Variants in PDIA6 observed in about 807,000 individuals in gnomAD.
PDIA6 encodes the protein protein disulfide-isomerase A6.
A neutral mutation model predicts 58.4 loss-of-function variants in PDIA6; 29 were observed. That is an observed-to-expected ratio of 0.50 (90% CI 0.37 to 0.68). The LOEUF (loss-of-function observed/expected upper bound fraction) is 0.68. Ranked by LOEUF, PDIA6 falls within the 30% of genes least tolerant of loss-of-function variation. PDIA6 has a pLI of 0.00. For synonymous variants in PDIA6, 192 were observed against 202.6 expected (o/e 0.95, Z 0.44); for missense variants, 480 against 551.0 (o/e 0.87, Z 1.29).
chr2:10,807,161 CA>C (rs1666800044), intron 1 of PDIA6, among the ~76,000 whole-genome samples: 1 of 152,322 alleles, frequency 6.6e-6, no homozygotes, highest in Admixed American at 6.5e-5. Context: ...TTGACTTCAA[CA>C]AGGTTTTCCT....
intron 1 of PDIA6, among the ~76,000 whole-genome samples, chr2:10,805,297 A>C (rs1572680204): frequency 1.6e-5 from 2 of 127,802 alleles, no homozygotes; most frequent in Non-Finnish European, 3.3e-5. Flanking sequence ...CAGCCAAAAA[A>C]CACATGAAAA....
At chr2:10,808,051 A>G (rs1349130451) in intron 1 of PDIA6, among the ~76,000 whole-genome samples, 1 of 152,248 alleles carries the variant, frequency 6.6e-6, no homozygotes, top group Non-Finnish European at 1.5e-5. Flanking sequence ...TTCAAGATTT[A>G]CACTGCATTT....
chr2:10,810,839 C>T lies in PDIA6; in HGVS notation c.19+1839G>A, dbSNP rs144432667. Among the ~76,000 whole-genome samples, 12 of 152,216 alleles carry T rather than the reference C, an allele frequency of 7.9e-5. No individual in the cohort carries two copies. In the East Asian group the frequency reaches 2.1e-3, roughly 27 times the overall value. The stretch of plus-strand genomic sequence containing the variant: ...AAAGTAGGTCAATGCTGACCAATGA[C>T]GTTCTGTTTCTAAAATTCACATCAC... On this transcript the variant is annotated intron_variant, in intron 1 of 12. Coordinates refer to ENST00000272227, the MANE Select transcript of PDIA6 (RefSeq NM_005742.4).
At chr2:10,833,453 A>T (rs1338974658), upstream of PDIA6, among the ~76,000 whole-genome samples, 2 of 152,116 alleles carry the variant, frequency 1.3e-5, no homozygotes, top group African/African-American at 4.8e-5. Context: ...TTTTCAGTCC[A>T]TCACCACAGT....
intron 1 of PDIA6, among the ~76,000 whole-genome samples, chr2:10,807,629 G>A (rs752577744): frequency 6.6e-6 from 1 of 152,188 alleles, no homozygotes; most frequent in Non-Finnish European, 1.5e-5. Context: ...CTCAAGTAGT[G>A]TGTGTACATG....
At chr2:10,814,717 C>T (rs56260452), upstream of PDIA6, among the ~76,000 whole-genome samples, 2 of 152,146 alleles carry the variant, frequency 1.3e-5, no homozygotes, top group Non-Finnish European at 2.9e-5. Flanking sequence ...TTTGTCTTTA[C>T]ATTAAGACAG....
chr2:10,827,130 C>T (rs1667574953), intron 1 of PDIA6, among the ~76,000 whole-genome samples: 1 of 152,206 alleles, frequency 6.6e-6, no homozygotes, highest in Non-Finnish European at 1.5e-5. Flanking sequence ...ATGGCACAGT[C>T]TCGGCTCACT....
rs527506858 is a variant in PDIA6 at position 10,811,438 on chromosome 2, A to G, written c.19+1240T>C. ...CTTGAGACCAGGAGTTCCAGGCTGC[A>G]GTGAACTATGATGGAAACCCTGCAC... On this transcript the variant is annotated intron_variant, in intron 1 of 12. Coordinates refer to ENST00000272227, the MANE Select transcript of PDIA6 (RefSeq NM_005742.4). Among the ~76,000 whole-genome samples, 4 of 152,348 alleles carry G rather than the reference A, an allele frequency of 2.6e-5. No homozygotes were observed. In the South Asian group the frequency reaches 8.3e-4, roughly 32 times the overall value.
chr2:10,826,618 C>T (rs918760165), intron 1 of PDIA6, among the ~76,000 whole-genome samples: 4 of 152,178 alleles, frequency 2.6e-5, no homozygotes, highest in Non-Finnish European at 4.4e-5. Flanking sequence ...CCTCAGCCTC[C>T]CAAAGTGCTG....
chr2:10,808,496 G>T (rs975142857), intron 1 of PDIA6, among the ~76,000 whole-genome samples: 3 of 152,204 alleles, frequency 2.0e-5, no homozygotes, highest in African/African-American at 7.2e-5. Flanking sequence ...TTGAAGATGG[G>T]AGTGATCTAG....
chr2:10,792,078 A>G (rs986855948), intron 5 of PDIA6, among the ~76,000 whole-genome samples, 153 bp from the exon 6 acceptor site: 5 of 152,266 alleles, frequency 3.3e-5, no homozygotes, highest in African/African-American at 1.2e-4. Context: ...AATTGGGTAC[A>G]TTCCTCAGCA....
chr2:10,790,539 A>G (rs1292140749), intron 7 of PDIA6, among the ~76,000 whole-genome samples, 180 bp downstream of exon 7: 1 of 152,188 alleles, frequency 6.6e-6, no homozygotes, highest in East Asian at 1.9e-4. Context: ...CATTAGGGGG[A>G]AAAGTTGACA....
chr2:10,823,700 T>TTAG (rs1308511161), intron 1 of PDIA6, among the ~76,000 whole-genome samples: 1 of 152,178 alleles, frequency 6.6e-6, no homozygotes, highest in Admixed American at 6.5e-5. Flanking sequence ...GTCAACAATG[T>TTAG]TAGTGCTGTA....
upstream of PDIA6, among the ~76,000 whole-genome samples, chr2:10,816,522 C>CTTTTTTTTTTTTTTTT (rs772701227): frequency 8.7e-5 from 12 of 138,210 alleles, no homozygotes; most frequent in African/African-American, 3.1e-4. Context: ...CCTTTTTGTG[C>CTTTTTTTTTTTTTTTT]TTTCTTTTTT....
intron 11 of PDIA6, among the ~76,000 whole-genome samples, chr2:10,786,087 C>G (rs1277077411): frequency 6.6e-6 from 1 of 152,102 alleles, no homozygotes; most frequent in Non-Finnish European, 1.5e-5. Context: ...TTTTGGGAGG[C>G]TGAGGTGGGT....
At chr2:10,823,953 C>G (rs923910238) in intron 1 of PDIA6, among the ~76,000 whole-genome samples, 2 of 152,064 alleles carry the variant, frequency 1.3e-5, no homozygotes, top group Non-Finnish European at 2.9e-5. Flanking sequence ...GAAGGCCCTT[C>G]CCAGCTTTAA....
chr2:10,785,076 T>G, intron 11 of PDIA6, 46 bp from the exon 12 acceptor site: 1 of 1,270,692 alleles, frequency 7.9e-7, no homozygotes, highest in Non-Finnish European at 1.1e-6. Context: ...TACAATGGAC[T>G]GCTGGTGCAG....
chr2:10,830,803 G>A (rs1036758119), intron 1 of PDIA6, among the ~76,000 whole-genome samples: 4 of 152,182 alleles, frequency 2.6e-5, no homozygotes, highest in Non-Finnish European at 5.9e-5. Context: ...CTCCACCTGC[G>A]CAGAGTGGGC....
In PDIA6 at chr2:10,789,823, G is replaced by A. The variant is rs752235353; in HGVS notation, c.766C>T (p.Arg256Trp). 1.9e-5 allele frequency: 31 copies of A among 1,613,176 alleles called. No individual in the cohort carries two copies. The highest frequency in any genetic ancestry group is 2.4e-5 in the Non-Finnish European group (28 of 1,179,508). The change falls in exon 8 of 13, where the codon CGG becomes TGG. Residue 256 changes from arginine (R) to tryptophan (W), a missense_variant. Transcript: ENST00000272227. ...GESPVDYDGG[R>W]TRSDIVSRAL... The stretch of plus-strand genomic sequence containing the variant: ...CGGGACACGATGTCGGATCTTGTCC[G>A]CCCACCGTCATAATCCACAGGAGAC...
Sources: gnomAD v4.1 joint callset for allele counts (sites outside exome capture counted in the v4.1 genomes callset) on GRCh38, gnomAD v4.1.1 for gene constraint, MANE v1.5 for transcripts, NCBI Gene and HGNC (gene_info 2026-07-23, HGNC 2026-07-21) for gene names.